DNAJC22: variants seen among roughly 807,000 people sequenced by gnomAD.
The protein encoded by DNAJC22 is DnaJ heat shock protein family (Hsp40) member C22, also known as dnaJ homolog subfamily C member 22.
Under a neutral mutation model 22.2 loss-of-function variants are expected in DNAJC22, and 24 were observed. That is an observed-to-expected ratio of 1.08 (90% CI 0.78 to 1.52). The LOEUF is 1.52. DNAJC22 is among the 40% of genes most tolerant of loss of function. DNAJC22 has a pLI of 0.00. For synonymous variants in DNAJC22, 160 were observed against 167.4 expected (o/e 0.96, Z 0.34); for missense variants, 434 against 421.7 (o/e 1.03, Z -0.26).
intron 2 of DNAJC22, among the ~76,000 whole-genome samples, chr12:49,348,536 T>A (rs906639973): frequency 6.6e-6 from 1 of 152,040 alleles, no homozygotes; most frequent in Non-Finnish European, 1.5e-5. Context: ...CCATGAGTCA[T>A]TTGGGGTCAT....
Position 49,348,831 on chromosome 12 carries a change from C to T in DNAJC22, c.-42C>T. Reference sequence around the variant, plus strand: ...CACAGAGGACCCCGAGACTTCTGTGCTGCGAGTAACCGGACTTGTTCTGAG... The same window carrying T: ...CACAGAGGACCCCGAGACTTCTGTGTTGCGAGTAACCGGACTTGTTCTGAG... On this transcript the variant is annotated 5_prime_UTR_variant, in exon 3 of 4. Transcript: ENST00000549441. The T allele has an allele frequency of 6.9e-7, 1 of 1,456,246 alleles. No homozygotes were observed. The highest frequency in any genetic ancestry group is 9.1e-7 in the Non-Finnish European group (1 of 1,103,762). 90.2% of individuals were successfully genotyped at this position (1,456,246 alleles called of 1,614,324 possible).
In DNAJC22 at chr12:49,348,822, A is replaced by T. The variant is rs753750027; in HGVS notation, c.-51A>T. 13 of 1,443,984 alleles carry T rather than the reference A, an allele frequency of 9.0e-6. No individual in the cohort carries two copies. Among genetic ancestry groups the T allele is most frequent in the Admixed American group, 2.6e-5 (1 of 38,802 alleles). 89.4% of individuals were successfully genotyped at this position (1,443,984 alleles called of 1,614,324 possible). A position where few individuals can be genotyped will look rare whatever the true frequency, so the allele number is the denominator to read the frequency against. On this transcript the variant is annotated 5_prime_UTR_variant, in exon 3 of 4. Coordinates refer to ENST00000549441, the MANE Select transcript of DNAJC22 (RefSeq NM_001304944.2). ...CATGAGTCTCACAGAGGACCCCGAG[A>T]CTTCTGTGCTGCGAGTAACCGGACT...
chr12:49,349,290 C>A lies in DNAJC22; in HGVS notation c.418C>A (p.Leu140Ile), dbSNP rs748837409. 5.0e-6 allele frequency: 8 copies of A among 1,614,116 alleles called. No homozygotes were observed. Among genetic ancestry groups the A allele is most frequent in the Non-Finnish European group, 6.8e-6 (8 of 1,179,994 alleles). Residue 140 changes from leucine to isoleucine, a missense_variant, in exon 3 of 4, where the codon CTC becomes ATC. Physicochemically the swap from Leu to Ile is conservative, Grantham distance 5 (BLOSUM62 2). Transcript: ENST00000549441. ...DFKNTLGSAF[L>I]TSPIFYGRPI... ...TAAGAACACTCTGGGGTCAGCATTTCTCACTTCACCTATCTTCTATGGCCG... is the reference window on the plus strand; with the variant it reads ...TAAGAACACTCTGGGGTCAGCATTTATCACTTCACCTATCTTCTATGGCCG...
chr12:49,349,152 G>A lies in DNAJC22; in HGVS notation c.280G>A (p.Val94Met). 12 of 1,614,160 alleles carry A rather than the reference G, an allele frequency of 7.4e-6. No individual in the cohort carries two copies. The highest frequency in any genetic ancestry group is 1.0e-5 in the Non-Finnish European group (12 of 1,180,038). The change falls in exon 3 of 4, where the codon GTG (valine) becomes ATG (methionine). Residue 94 changes from valine (V) to methionine (M), a missense_variant. Physicochemically the swap from Val to Met is conservative, Grantham distance 21 (BLOSUM62 1). Transcript: ENST00000549441. ...GATAGTTGGCATCTATTTTGGCCTT[G>A]TGGCACTGATTAGCCTTTCTTCCAT... ...QVIVGIYFGL[V>M]ALISLSSMVN...
Position 49,349,427 on chromosome 12 carries a change from G to C in DNAJC22, c.555G>C (p.Leu185=). 6.2e-7 allele frequency: 1 copy of C among 1,613,598 alleles called. No homozygotes were observed. The change falls in exon 3 of 4, where the codon CTG becomes CTC. Residue 185 remains leucine (L), a synonymous_variant. Transcript: ENST00000549441. ...CGCTCAGTGTGCGGCTCTATCGTCTGGGCTTGGCTTACCTTGCTTTCACAG... is the reference window on the plus strand; with the variant it reads ...CGCTCAGTGTGCGGCTCTATCGTCTCGGCTTGGCTTACCTTGCTTTCACAG... ...SEPLSVRLYR[L]GLAYLAFTGP...
At position 49,351,372 on chromosome 12, in the gene DNAJC22, AG is replaced by A; in HGVS notation, c.897del (p.Glu299AspfsTer2). ...TNEEIHRSYQELVKVWHPDHN... is the reference protein window; with the variant it reads ...TNEEIHRSYQXLVKVWHPDHN... ...GAAGAAATACATCGGAGTTACCAGG[AG>A]CTAGTGAAGGTCTGGCACCCAGACC... On this transcript the variant is annotated frameshift_variant, in exon 4 of 4. Coordinates refer to ENST00000549441, the MANE Select transcript of DNAJC22 (RefSeq NM_001304944.2). LOFTEE classifies it high-confidence loss of function. 6.2e-7 allele frequency: 1 copy of A among 1,613,720 alleles called. No individual in the cohort carries two copies.
chr12:49,347,073 G>A lies in DNAJC22; in HGVS notation c.-1048G>A, dbSNP rs1943709810. 1 of 152,300 alleles carries A rather than the reference G, an allele frequency of 6.6e-6. No individual in the cohort carries two copies. 9.4% of individuals were successfully genotyped at this position (152,300 alleles called of 1,614,324 possible). A position where few individuals can be genotyped will look rare whatever the true frequency, so the allele number is the denominator to read the frequency against. On this transcript the variant is annotated 5_prime_UTR_variant, in exon 1 of 4. Coordinates refer to ENST00000549441, the MANE Select transcript of DNAJC22 (RefSeq NM_001304944.2). ...GGAGATCCACGAGATTGCCAGAGAA[G>A]GAAATTGAGGCCCAAGAAGCTGCAT...
chr12:49,350,167 C>G (rs1943761534), intron 3 of DNAJC22, among the ~76,000 whole-genome samples: 1 of 151,894 alleles, frequency 6.6e-6, no homozygotes, highest in African/African-American at 2.4e-5. Flanking sequence ...ACCTCTGCCT[C>G]CTGGGTTGAA....
rs1943786395 is a variant in DNAJC22, at chr12:49,351,613, A to G, written c.*111A>G. ...CAACAGAGTTAAAGAAACTGCTTGC[A>G]GGGGCTGGGCGTGGTGGCTCATGCC... is the stretch of plus-strand genomic sequence containing the variant. On this transcript the variant is annotated 3_prime_UTR_variant, in exon 4 of 4. Coordinates refer to ENST00000549441, the MANE Select transcript of DNAJC22 (RefSeq NM_001304944.2). 4.0e-6 allele frequency: 5 copies of G among 1,240,198 alleles called. No homozygotes were observed. The highest frequency in any genetic ancestry group is 4.3e-6 in the Non-Finnish European group (4 of 930,746). 76.8% of individuals were successfully genotyped at this position (1,240,198 alleles called of 1,614,324 possible).
In DNAJC22 at chr12:49,349,147, G is replaced by A. The variant is rs778410374; in HGVS notation, c.275G>A (p.Gly92Asp). ...CAGGTGATAGTTGGCATCTATTTTG[G>A]CCTTGTGGCACTGATTAGCCTTTCT... ...AAQVIVGIYFGLVALISLSSM... is the reference protein window; with the variant it reads ...AAQVIVGIYFDLVALISLSSM... The change falls in exon 3 of 4, where the codon GGC (glycine) becomes GAC (aspartate). Residue 92 changes from glycine (G) to aspartate (D), a missense_variant. Transcript: ENST00000549441. 3 of 1,614,094 alleles carry A rather than the reference G, an allele frequency of 1.9e-6. No homozygotes were observed. The highest frequency in any genetic ancestry group is 2.2e-5 in the South Asian group (2 of 91,080).
At chr12:49,350,994 A>G (rs1943776469) in intron 3 of DNAJC22, among the ~76,000 whole-genome samples, 1 of 152,094 alleles carries the variant, frequency 6.6e-6, no homozygotes, top group Admixed American at 6.6e-5. Flanking sequence ...ATATACATTT[A>G]TGTCTTTTGT....
intron 2 of DNAJC22, 22 bp from the exon 3 acceptor site, chr12:49,348,744 T>A (rs1198955198): frequency 3.1e-6 from 4 of 1,292,450 alleles, no homozygotes; most frequent in Admixed American, 2.8e-5. Flanking sequence ...ATCTTATGAC[T>A]CTACTTTTTC....
chr12:49,351,575 A>G lies in DNAJC22; in HGVS notation c.*73A>G. 1 of 1,449,574 alleles carries G rather than the reference A, an allele frequency of 6.9e-7. No homozygotes were observed. The highest frequency in any genetic ancestry group is 9.1e-7 in the Non-Finnish European group (1 of 1,094,894). The allele number at this position is 1,449,574 out of a possible 1,614,324, so 89.8% of individuals were successfully genotyped here. A position where few individuals can be genotyped will look rare whatever the true frequency, so the allele number is the denominator to read the frequency against. On this transcript the variant is annotated 3_prime_UTR_variant, in exon 4 of 4. Coordinates refer to ENST00000549441, the MANE Select transcript of DNAJC22 (RefSeq NM_001304944.2). ...ACTTGTCCCAAATCTAGCTTTGCCC[A>G]CGAATGGCATCCCAACAGAGTTAAA...
At position 49,351,584 on chromosome 12, in the gene DNAJC22, A is replaced by T; in HGVS notation, c.*82A>T. The T allele has an allele frequency of 7.0e-7, 1 of 1,420,992 alleles. No homozygotes were observed. Among genetic ancestry groups the T allele is most frequent in the Non-Finnish European group, 9.3e-7 (1 of 1,073,828 alleles). 88.0% of individuals were successfully genotyped at this position (1,420,992 alleles called of 1,614,324 possible). A position where few individuals can be genotyped will look rare whatever the true frequency, so the allele number is the denominator to read the frequency against. ...AAATCTAGCTTTGCCCACGAATGGC[A>T]TCCCAACAGAGTTAAAGAAACTGCT... On this transcript the variant is annotated 3_prime_UTR_variant, in exon 4 of 4. Transcript: ENST00000549441.
Position 49,352,057 on chromosome 12 carries a change from G to T in DNAJC22, c.*555G>T, listed in dbSNP as rs1173578424. The T allele has an allele frequency of 6.6e-6, 1 of 152,038 alleles. No individual in the cohort carries two copies. The highest frequency in any genetic ancestry group is 2.4e-5 in the African/African-American group (1 of 41,362). The allele number at this position is 152,038 out of a possible 1,614,324, so 9.4% of individuals were successfully genotyped here. ...TTTTCTTAAAACCAGAGAGTGAAAG[G>T]CATATTATAAAACAATCAAATATCT... On this transcript the variant is annotated 3_prime_UTR_variant, in exon 4 of 4. Coordinates refer to ENST00000549441, the MANE Select transcript of DNAJC22 (RefSeq NM_001304944.2).
intron 3 of DNAJC22, among the ~76,000 whole-genome samples, chr12:49,350,931 C>T (rs947888716): frequency 6.6e-6 from 1 of 152,056 alleles, no homozygotes; most frequent in African/African-American, 2.4e-5. Flanking sequence ...TGGTTTGGGG[C>T]TATTATAAAT....
In DNAJC22 at chr12:49,349,561, G is replaced by A. The variant is rs201154906; in HGVS notation, c.689G>A (p.Arg230His). 1.4e-5 allele frequency: 22 copies of A among 1,614,218 alleles called. No homozygotes were observed. The highest frequency in any genetic ancestry group is 1.0e-4 in the Admixed American group (6 of 60,032). The change falls in exon 3 of 4, where the codon CGC (arginine) becomes CAC (histidine). Residue 230 changes from arginine (R) to histidine (H), a missense_variant. Physicochemically the swap from Arg to His is conservative, Grantham distance 29 (BLOSUM62 0). Coordinates refer to ENST00000549441, the MANE Select transcript of DNAJC22 (RefSeq NM_001304944.2). ...TTCAGCTTCTTCCCCCTTCTTGGCC[G>A]CCTCATGGAGTTTGTCCTCCTTCTG... The part of the protein sequence containing the change: ...NWFSFFPLLG[R>H]LMEFVLLLPY...
At position 49,349,101 on chromosome 12, in the gene DNAJC22, A is replaced by G. The variant is rs554972663; in HGVS notation, c.229A>G (p.Ser77Gly). The G allele has an allele frequency of 6.8e-6, 11 of 1,614,186 alleles. No individual in the cohort carries two copies. In the South Asian group the frequency reaches 1.2e-4, roughly 18 times the overall value. The change falls in exon 3 of 4, where the codon AGT becomes GGT. Residue 77 changes from serine (S) to glycine (G), a missense_variant. Coordinates refer to ENST00000549441, the MANE Select transcript of DNAJC22 (RefSeq NM_001304944.2). ...CCCCAGAGGGGTGACACCCCCTCTG[A>G]GTCCCATTCGCTTTGCTGCCCAGGT... ...QSPRGVTPPL[S>G]PIRFAAQVIV...
rs1250930625 is a variant in DNAJC22 at position 49,347,723 on chromosome 12, C to A, written c.-490C>A. The A allele has an allele frequency of 6.6e-6, 1 of 152,354 alleles. No homozygotes were observed. The highest frequency in any genetic ancestry group is 1.5e-5 in the Non-Finnish European group (1 of 68,122). 9.4% of individuals were successfully genotyped at this position (152,354 alleles called of 1,614,324 possible). ...GTCCTGTGCTGCTGTGCCTCGGTACCCGCACAAGGTGTCTGGGGACCGCCC... is the reference window on the plus strand; with the variant it reads ...GTCCTGTGCTGCTGTGCCTCGGTACACGCACAAGGTGTCTGGGGACCGCCC... On this transcript the variant is annotated 5_prime_UTR_variant, in exon 2 of 4. Transcript: ENST00000549441.
Sources: allele counts gnomAD v4.1 joint callset (sites outside exome capture counted in the v4.1 genomes callset), GRCh38; gene constraint gnomAD v4.1.1; transcripts MANE v1.5; gene names NCBI Gene and HGNC (gene_info 2026-07-23, HGNC 2026-07-21).